Variants in AS3MT observed in about 807,000 individuals in gnomAD.
AS3MT encodes the protein S-adenosyl-L-methionine:arsenic(III) methyltransferase.
Under a neutral mutation model 45.3 loss-of-function variants are expected in AS3MT, and 47 were observed. The observed-to-expected ratio is 1.04, with a 90% CI of 0.82 to 1.32. The LOEUF (loss-of-function observed/expected upper bound fraction) is 1.32, where lower values mean the gene tolerates loss of function less well. Ranked by LOEUF, AS3MT falls within the 40% of genes most tolerant of loss-of-function variation. The probability of loss-of-function intolerance (pLI) is 0.00; values close to 1 mark genes in which losing one functional copy is unlikely to be tolerated. For synonymous variants in AS3MT, 141 were observed against 152.8 expected, an observed-to-expected ratio of 0.92 and a Z score of 0.57; for missense variants, 396 against 451.1, an observed-to-expected ratio of 0.88 and a Z score of 1.11.
At chr10:102,882,407 T>G (rs1259506106) in intron 9 of AS3MT, among the ~76,000 whole-genome samples, 1 of 151,142 alleles carries the variant, frequency 6.6e-6, no homozygotes, top group Non-Finnish European at 1.5e-5. Context: ...ATTTAAAAAA[T>G]GTATTTATTT....
chr10:102,877,190 G>A (rs1349662928), intron 7 of AS3MT, among the ~76,000 whole-genome samples, 155 bp downstream of exon 7: 1 of 152,210 alleles, frequency 6.6e-6, no homozygotes, highest in Non-Finnish European at 1.5e-5. Flanking sequence ...AAAGTGATAG[G>A]GCTTTGGATA....
Position 102,873,205 on chromosome 10 carries a change from A to C in AS3MT, c.430A>C (p.Ile144Leu). 21 of 1,608,806 alleles carry C rather than the reference A, an allele frequency of 1.3e-5. No individual in the cohort carries two copies. The highest frequency in any genetic ancestry group is 1.7e-5 in the Non-Finnish European group (20 of 1,178,592). ...CATTGAGAAGTTGGGAGAGGCTGGAATCAAGAATGAGAGCCATGATATTGT... is the reference window on the plus strand; with the variant it reads ...CATTGAGAAGTTGGGAGAGGCTGGACTCAAGAATGAGAGCCATGATATTGT... ...GYIEKLGEAG[I>L]KNESHDIVVS... Residue 144 changes from isoleucine (I) to leucine (L), a missense_variant, in exon 5 of 11, where the codon ATC becomes CTC. Transcript: ENST00000369880.
intron 10 of AS3MT, among the ~76,000 whole-genome samples, chr10:102,896,415 A>G (rs1453192840): frequency 6.6e-6 from 1 of 151,802 alleles, no homozygotes; most frequent in Non-Finnish European, 1.5e-5. Flanking sequence ...AGGTTAATCG[A>G]ACCTAAAATA....
intron 7 of AS3MT, among the ~76,000 whole-genome samples, chr10:102,877,748 C>CTTTTTT (rs751685577): frequency 2.1e-4 from 22 of 105,228 alleles, no homozygotes; most frequent in Non-Finnish European, 3.1e-4. Context: ...GTGATAACTT[C>CTTTTTT]TTTTTTTTTT....
chr10:102,878,761 C>T (rs767366580), intron 8 of AS3MT, 88 bp from the exon 9 acceptor site: 352 of 1,488,796 alleles, frequency 2.4e-4, no homozygotes, highest in Non-Finnish European at 3.1e-4. Context: ...AGAAAATCAT[C>T]TTTATAACGT....
chr10:102,870,962 C>T (rs1343410566), intron 3 of AS3MT, among the ~76,000 whole-genome samples: 1 of 152,062 alleles, frequency 6.6e-6, no homozygotes, highest in East Asian at 1.9e-4. Flanking sequence ...TACACCTACG[C>T]GGCGGGGAGC....
chr10:102,879,594 C>G (rs1238671997), intron 9 of AS3MT, among the ~76,000 whole-genome samples: 1 of 151,558 alleles, frequency 6.6e-6, no homozygotes, highest in Non-Finnish European at 1.5e-5. Flanking sequence ...GGCGAAAACC[C>G]ATCTCTACTA....
intron 10 of AS3MT, among the ~76,000 whole-genome samples, chr10:102,899,349 A>C (rs1845234590): frequency 6.6e-6 from 1 of 152,106 alleles, no homozygotes; most frequent in Non-Finnish European, 1.5e-5. Context: ...ATGGAAATGC[A>C]ATTGATGTGA....
At chr10:102,895,443 C>T (rs1845149060) in intron 10 of AS3MT, among the ~76,000 whole-genome samples, 1 of 152,130 alleles carries the variant, frequency 6.6e-6, no homozygotes, top group South Asian at 2.1e-4. Context: ...TCAGATGATC[C>T]ACCAGCCTCG....
chr10:102,873,067 G>A (rs1236745388), intron 4 of AS3MT, 30 bp from the exon 5 acceptor site: 5 of 1,524,432 alleles, frequency 3.3e-6, no homozygotes, highest in South Asian at 1.3e-5. Context: ...TTTTCAAAAT[G>A]TTATCAAAAC....
intron 10 of AS3MT, among the ~76,000 whole-genome samples, chr10:102,898,046 T>G (rs1287268329): frequency 6.6e-6 from 1 of 152,146 alleles, no homozygotes; most frequent in Non-Finnish European, 1.5e-5. Flanking sequence ...GAAGGAAGAT[T>G]TTAATAAATG....
rs1258731335 is a variant in AS3MT at position 102,878,513 on chromosome 10, A to G, written c.742+3A>G. The G allele has an allele frequency of 1.9e-6, 3 of 1,613,650 alleles. No individual in the cohort carries two copies. In the Admixed American group the frequency reaches 5.0e-5, roughly 27 times the overall value. On this transcript the variant is annotated splice_donor_region_variant and intron_variant, in intron 8 of 10. Transcript: ENST00000369880. ...CAAGGAACTGGAAAGAGTTATCGGT[A>G]AGATATGACAGACAGCAGGGACTAT...
At chr10:102,893,258 G>C (rs1845104398) in intron 10 of AS3MT, among the ~76,000 whole-genome samples, 1 of 151,754 alleles carries the variant, frequency 6.6e-6, no homozygotes, top group Non-Finnish European at 1.5e-5. Context: ...TTTATATTAA[G>C]AAATTTTAAG....
At position 102,869,529 on chromosome 10, in the gene AS3MT, CGCGCCCTGAGTCGCAGGCCGAGGAGACA is replaced by C; in HGVS notation, c.-62_-35del. 5.3e-6 allele frequency: 7 copies of C among 1,313,906 alleles called. No individual in the cohort carries two copies. Among genetic ancestry groups the C allele is most frequent in the Non-Finnish European group, 5.8e-6 (6 of 1,028,736 alleles). The allele number at this position is 1,313,906 out of a possible 1,614,324, so 81.4% of individuals were successfully genotyped here. On this transcript the variant is annotated 5_prime_UTR_variant, in exon 1 of 11. Coordinates refer to ENST00000369880, the MANE Select transcript of AS3MT (RefSeq NM_020682.4). ...TCGCAGGCCGAGGAGACAGTGAGTG[CGCGCCCTGAGTCGCAGGCCGAGGAGACA>C]GTGAGTGCGCGCCCTGAGTCGCAGG...
chr10:102,884,972 C>T (rs1181083106), intron 9 of AS3MT, among the ~76,000 whole-genome samples: 4 of 152,090 alleles, frequency 2.6e-5, no homozygotes, highest in Admixed American at 1.3e-4. Flanking sequence ...AAACATTTGT[C>T]TTTTCTTTAT....
At chr10:102,871,727 CAAACAAAACA>C (rs139792328) in intron 3 of AS3MT, among the ~76,000 whole-genome samples, 36,188 of 147,988 alleles carry the variant, frequency 0.24, 4,596 homozygotes, top group East Asian at 0.43. Flanking sequence ...GACTCCGTCT[CAAACAAAACA>C]AAACAAAACA....
chr10:102,879,077 C>A, intron 9 of AS3MT, 86 bp downstream of exon 9: 1 of 1,409,042 alleles, frequency 7.1e-7, no homozygotes, highest in East Asian at 2.3e-5. Context: ...TGCATTGCCT[C>A]CCATTTTTCT....
At chr10:102,872,961 A>G (rs1012311979) in intron 4 of AS3MT, 136 bp from the exon 5 acceptor site, 2 of 744,322 alleles carry the variant, frequency 2.7e-6, no homozygotes, top group East Asian at 2.8e-5. Context: ...AGTATATCCT[A>G]CGTGTCCACA....
intron 7 of AS3MT, among the ~76,000 whole-genome samples, chr10:102,877,748 CTTTTTT>C (rs751685577): frequency 1.9e-5 from 2 of 105,194 alleles, no homozygotes; most frequent in Admixed American, 2.1e-4. Flanking sequence ...GTGATAACTT[CTTTTTT>C]TTTTTTTTTT....
Sources: gnomAD v4.1 joint callset for allele counts (sites outside exome capture counted in the v4.1 genomes callset) on GRCh38, gnomAD v4.1.1 for gene constraint, MANE v1.5 for transcripts, NCBI Gene and HGNC (gene_info 2026-07-23, HGNC 2026-07-21) for gene names.